SPPL3: variants seen among roughly 807,000 people sequenced by gnomAD.
SPPL3 encodes the protein signal peptide peptidase like 3, also known as signal peptide peptidase-like 3.
Under a neutral mutation model 42.4 loss-of-function variants are expected in SPPL3, and 5 were observed. The observed-to-expected ratio is 0.12, with a 90% CI of 0.06 to 0.25. SPPL3 has a LOEUF of 0.25. Ranked by LOEUF, SPPL3 falls within the 10% of genes least tolerant of loss-of-function variation. The probability of loss-of-function intolerance (pLI) is 1.00; values close to 1 mark genes in which losing one functional copy is unlikely to be tolerated. For missense variants in SPPL3, 235 were observed against 489.0 expected (o/e 0.48, Z 4.90); for synonymous variants, 195 against 181.8 (o/e 1.07, Z -0.58).
At chr12:120,895,079 T>G (rs1873759951) in intron 1 of SPPL3, among the ~76,000 whole-genome samples, 1 of 152,200 alleles carries the variant, frequency 6.6e-6, no homozygotes, top group South Asian at 2.1e-4. Context: ...TACTGTTCTT[T>G]CTTCATTTAA....
intron 1 of SPPL3, among the ~76,000 whole-genome samples, chr12:120,839,528 A>G (rs911041737): frequency 3.9e-5 from 6 of 152,144 alleles, no homozygotes; most frequent in African/African-American, 1.4e-4. Flanking sequence ...AAACAAAAAC[A>G]AAAACCTCAT....
At chr12:120,888,948 G>A (rs958954897) in intron 1 of SPPL3, among the ~76,000 whole-genome samples, 1 of 151,858 alleles carries the variant, frequency 6.6e-6, no homozygotes, top group African/African-American at 2.4e-5. Context: ...TAAATAGCTG[G>A]GATTACAGGT....
intron 1 of SPPL3, among the ~76,000 whole-genome samples, chr12:120,840,208 G>A (rs1233637403): frequency 6.7e-6 from 1 of 149,738 alleles, no homozygotes; most frequent in African/African-American, 2.4e-5. Flanking sequence ...AACCCGGCGG[G>A]TGGAGGCTGC....
intron 6 of SPPL3, among the ~76,000 whole-genome samples, chr12:120,780,367 G>A (rs1202740817): frequency 6.6e-6 from 1 of 151,626 alleles, no homozygotes; most frequent in African/African-American, 2.4e-5. Flanking sequence ...GAGGTGGGAG[G>A]ACTGCTTGAG....
chr12:120,835,562 A>C (rs1461671657), intron 1 of SPPL3: 3 of 152,222 alleles, frequency 2.0e-5, no homozygotes, highest in Admixed American at 2.0e-4. Flanking sequence ...ATCTTGAGAA[A>C]ATGTTTTACT....
intron 1 of SPPL3, among the ~76,000 whole-genome samples, chr12:120,815,166 G>T (rs1007565838): frequency 6.6e-6 from 1 of 152,096 alleles, no homozygotes; most frequent in African/African-American, 2.4e-5. Flanking sequence ...TGGCTCAAAG[G>T]GGAAATGCAC....
At chr12:120,845,914 T>C (rs1481121321) in intron 1 of SPPL3, among the ~76,000 whole-genome samples, 1 of 149,554 alleles carries the variant, frequency 6.7e-6, no homozygotes, top group South Asian at 2.1e-4. Context: ...ATCTATTTTT[T>C]TGAGGCACAG....
chr12:120,810,968 C>G (rs748872739), intron 1 of SPPL3, 82 bp from the exon 2 acceptor site: 1 of 878,620 alleles, frequency 1.1e-6, no homozygotes, highest in Admixed American at 2.7e-5. Flanking sequence ...TTCTATAAAC[C>G]CCACTGAGCT....
chr12:120,814,158 C>T (rs1870787390), intron 1 of SPPL3, among the ~76,000 whole-genome samples: 1 of 152,154 alleles, frequency 6.6e-6, no homozygotes, highest in African/African-American at 2.4e-5. Flanking sequence ...CTTCTCTCTT[C>T]CCCCCACACC....
intron 1 of SPPL3, among the ~76,000 whole-genome samples, chr12:120,832,511 A>C (rs1252009904): frequency 6.6e-6 from 1 of 152,074 alleles, no homozygotes; most frequent in Non-Finnish European, 1.5e-5. Flanking sequence ...ATCTCTACTA[A>C]AAATGCAAAA....
At chr12:120,827,105 T>A (rs1021344563) in intron 1 of SPPL3, among the ~76,000 whole-genome samples, 1 of 151,900 alleles carries the variant, frequency 6.6e-6, no homozygotes, top group African/African-American at 2.4e-5. Context: ...ATCACAGTAT[T>A]TTGAAAGTGT....
chr12:120,896,756 G>C (rs1328931015), intron 1 of SPPL3, among the ~76,000 whole-genome samples: 1 of 151,640 alleles, frequency 6.6e-6, no homozygotes, highest in African/African-American at 2.4e-5. Context: ...TCTAGACTGG[G>C]TGACAGGGTG....
chr12:120,783,874 T>C, intron 4 of SPPL3, 122 bp from the exon 5 acceptor site: 1 of 781,204 alleles, frequency 1.3e-6, no homozygotes, highest in Non-Finnish European at 2.0e-6. Flanking sequence ...AGAAGAAAAA[T>C]GTCTTCCTTT....
intron 1 of SPPL3, among the ~76,000 whole-genome samples, chr12:120,822,753 T>C (rs1201564453): frequency 6.6e-6 from 1 of 152,160 alleles, no homozygotes; most frequent in Non-Finnish European, 1.5e-5. Context: ...CACTTCTACC[T>C]GCATATACCA....
chr12:120,853,997 C>T (rs895054168), intron 1 of SPPL3, among the ~76,000 whole-genome samples: 1 of 149,520 alleles, frequency 6.7e-6, no homozygotes, highest in African/African-American at 2.5e-5. Flanking sequence ...CACACACACA[C>T]ACACACACAC....
At position 120,900,312 on chromosome 12, in the gene SPPL3, T is replaced by TA. The variant is rs200169130; in HGVS notation, c.23+3532dup. 3.6e-3 allele frequency among the ~76,000 whole-genome samples: 517 copies of TA among 145,610 alleles called. 6 individuals are homozygous for TA. Among genetic ancestry groups the TA allele is most frequent in the East Asian group, 0.021 (106 of 5,032 alleles). ...CATACAAACAAAGTGCAAATCTGTT[T>TA]AAAAAAAAAAACAGCAGGACCAGGC... On this transcript the variant is annotated intron_variant, in intron 1 of 10. Transcript: ENST00000353487.
At chr12:120,902,032 G>A (rs747174907) in intron 1 of SPPL3, 2 of 488,766 alleles carry the variant, frequency 4.1e-6, no homozygotes, top group Non-Finnish European at 5.3e-6. Context: ...AGAAGCTCAA[G>A]ATGAGTAACC....
chr12:120,894,714 G>A (rs1172430814), intron 1 of SPPL3, among the ~76,000 whole-genome samples: 1 of 152,190 alleles, frequency 6.6e-6, no homozygotes, highest in South Asian at 2.1e-4. Context: ...GGGAGGCCGA[G>A]GCGGGTGGAT....
chr12:120,772,697 CTAAAT>C (rs1276857387), intron 6 of SPPL3, among the ~76,000 whole-genome samples: 1 of 152,158 alleles, frequency 6.6e-6, no homozygotes, highest in Non-Finnish European at 1.5e-5. Flanking sequence ...GACACATCAA[CTAAAT>C]TACTGTTTCA....
Sources: allele counts gnomAD v4.1 joint callset (sites outside exome capture counted in the v4.1 genomes callset), GRCh38; gene constraint gnomAD v4.1.1; transcripts MANE v1.5; gene names NCBI Gene and HGNC (gene_info 2026-07-23, HGNC 2026-07-21).